Variants in SEC14L4 observed in about 807,000 individuals in gnomAD.
The protein encoded by SEC14L4 is SEC14 like lipid binding 4.
SEC14L4 carries 42 observed loss-of-function variants against 55.1 expected under a neutral mutation model. That is an observed-to-expected ratio of 0.76 (90% CI 0.60 to 0.99). The LOEUF is 0.99. SEC14L4 is among the 50% of genes least tolerant of loss of function. The probability of loss-of-function intolerance (pLI) is 0.00; values close to 1 mark genes in which losing one functional copy is unlikely to be tolerated. For synonymous variants in SEC14L4, 206 were observed against 206.8 expected (o/e 1.00, Z 0.03); for missense variants, 445 against 512.1 (o/e 0.87, Z 1.27).
intron 8 of SEC14L4, 85 bp downstream of exon 8, chr22:30,492,389 G>A (rs371686236): frequency 1.5e-6 from 2 of 1,337,522 alleles, no homozygotes; most frequent in Non-Finnish European, 1.1e-6. Context: ...CCCGAGTAGA[G>A]GACGAGCCAG....
intron 2 of SEC14L4, among the ~76,000 whole-genome samples, chr22:30,499,649 G>C (rs1362285571): frequency 2.0e-5 from 3 of 151,554 alleles, no homozygotes; most frequent in African/African-American, 4.8e-5. Flanking sequence ...TGAGGCACGA[G>C]AATCACTTGA....
chr22:30,491,588 G>A lies in SEC14L4; in HGVS notation c.1066C>T (p.Leu356Phe), dbSNP rs532977655. 2 of 1,614,156 alleles carry A rather than the reference G, an allele frequency of 1.2e-6. No individual in the cohort carries two copies. Among genetic ancestry groups the A allele is most frequent in the East Asian group, 4.5e-5 (2 of 44,880 alleles). Residue 356 changes from leucine to phenylalanine, a missense_variant, in exon 11 of 12, where the codon CTC (leucine) becomes TTC (phenylalanine). By Grantham distance (22) the Leu-to-Phe change is conservative. Coordinates refer to ENST00000255858, the MANE Select transcript of SEC14L4 (RefSeq NM_174977.4). Reference protein sequence around the residue: ...MVPEDGSLTCLQAGVYVLRFD... With the variant: ...MVPEDGSLTCFQAGVYVLRFD... ...CAGCTCTTACAGACGCCAGCCTGGA[G>A]GCAGGTGAGGCTCCCATCCTCAGGC...
intron 8 of SEC14L4, 101 bp from the exon 9 acceptor site, chr22:30,492,256 G>A (rs1049491972): frequency 2.9e-5 from 41 of 1,419,798 alleles, no homozygotes; most frequent in Middle Eastern, 2.4e-4. Flanking sequence ...TCCTGGGCGT[G>A]CTCCCCCGGG....
intron 2 of SEC14L4, among the ~76,000 whole-genome samples, chr22:30,499,463 C>T (rs976474531): frequency 3.3e-5 from 5 of 151,470 alleles, no homozygotes; most frequent in Admixed American, 6.6e-5. Context: ...ATTAGCTGGG[C>T]GCAGTGGCTC....
chr22:30,504,280 C>A (rs1363846834), intron 1 of SEC14L4, among the ~76,000 whole-genome samples: 1 of 151,952 alleles, frequency 6.6e-6, no homozygotes, highest in Non-Finnish European at 1.5e-5. Context: ...GTCTCAAACT[C>A]CTTGGCTCAA....
chr22:30,489,867 C>T lies in SEC14L4; in HGVS notation c.*240G>A. ...GGATCATCTTCAGCGTTCTCATTCT[C>T]AGCCGCATTCTCTGGGAACAGGGAA... is the stretch of plus-strand genomic sequence containing the variant. On this transcript the variant is annotated 3_prime_UTR_variant, in exon 12 of 12. Transcript: ENST00000255858. 1 of 1,551,754 alleles carries T rather than the reference C, an allele frequency of 6.4e-7. No homozygotes were observed.
intron 2 of SEC14L4, among the ~76,000 whole-genome samples, chr22:30,497,056 C>T (rs1395348627): frequency 2.0e-5 from 3 of 152,052 alleles, no homozygotes; most frequent in African/African-American, 4.8e-5. Context: ...AAATCACTCC[C>T]GGCCAGGCGT....
intron 2 of SEC14L4, among the ~76,000 whole-genome samples, chr22:30,496,266 C>A (rs1051355401): frequency 6.6e-6 from 1 of 150,980 alleles, no homozygotes; most frequent in African/African-American, 2.4e-5. Flanking sequence ...GGCCACACCA[C>A]CATGCCTGGC....
chr22:30,500,286 G>A (rs1005336422), intron 2 of SEC14L4, among the ~76,000 whole-genome samples: 9 of 152,000 alleles, frequency 5.9e-5, no homozygotes, highest in Non-Finnish European at 8.8e-5. Context: ...GTCTGATGAC[G>A]TTTTCTATTT....
At position 30,491,738 on chromosome 22, in the gene SEC14L4, G is replaced by T; in HGVS notation, c.916C>A (p.Gln306Lys). The T allele has an allele frequency of 6.2e-7, 1 of 1,614,116 alleles. No individual in the cohort carries two copies. Among genetic ancestry groups the T allele is most frequent in the Non-Finnish European group, 8.5e-7 (1 of 1,179,994 alleles). The change falls in exon 11 of 12, where the codon CAG becomes AAG. Residue 306 changes from glutamine (Q) to lysine (K), a missense_variant. By Grantham distance (53) the Gln-to-Lys change is moderately conservative. Transcript: ENST00000255858. ...ATGTCCCCACCATCTGAAGCAAACT[G>T]CCACCTGCAGTGGATAGAGCCCCAT... is the stretch of plus-strand genomic sequence containing the variant. Reference protein sequence around the residue: ...ILFPGCVLRWQFASDGGDIGF... With the variant: ...ILFPGCVLRWKFASDGGDIGF...
At chr22:30,496,036 T>C in intron 2 of SEC14L4, 65 bp from the exon 3 acceptor site, 1 of 1,434,648 alleles carries the variant, frequency 7.0e-7, no homozygotes, top group Non-Finnish European at 9.7e-7. Flanking sequence ...CCCTAAAAAC[T>C]CATGAGGAAA....
chr22:30,499,280 A>C (rs1002953056), intron 2 of SEC14L4, among the ~76,000 whole-genome samples: 8 of 149,730 alleles, frequency 5.3e-5, no homozygotes, highest in Admixed American at 3.3e-4. Flanking sequence ...ATGGGGTTTC[A>C]CCATGTTGGC....
intron 2 of SEC14L4, among the ~76,000 whole-genome samples, chr22:30,499,003 C>T (rs1015407582): frequency 1.2e-4 from 18 of 151,826 alleles, no homozygotes; most frequent in African/African-American, 3.9e-4. Flanking sequence ...TGCAGTGGCG[C>T]GATCTCGGCT....
At position 30,491,570 on chromosome 22, in the gene SEC14L4, T is replaced by C. The variant is rs1209919564; in HGVS notation, c.1081+3A>G. 16 of 1,613,948 alleles carry C rather than the reference T, an allele frequency of 9.9e-6. No individual in the cohort carries two copies. Among genetic ancestry groups the C allele is most frequent in the Non-Finnish European group, 1.3e-5 (15 of 1,179,990 alleles). On this transcript the variant is annotated splice_donor_region_variant and intron_variant, in intron 11 of 11. Coordinates refer to ENST00000255858, the MANE Select transcript of SEC14L4 (RefSeq NM_174977.4). ...CAATTCCAGTAAACCCCGCAGCTCT[T>C]ACAGACGCCAGCCTGGAGGCAGGTG...
intron 1 of SEC14L4, among the ~76,000 whole-genome samples, chr22:30,504,461 G>A (rs1378469920): frequency 6.6e-6 from 1 of 152,208 alleles, no homozygotes; most frequent in East Asian, 1.9e-4. Context: ...TAGATTTAGA[G>A]GCAAGTTACC....
At chr22:30,503,845 C>T (rs1036183697) in intron 1 of SEC14L4, 93 bp from the exon 2 acceptor site, 61 of 923,630 alleles carry the variant, frequency 6.6e-5, no homozygotes, top group Middle Eastern at 2.3e-4. Context: ...ATCCACCAGT[C>T]AACTCCACCA....
chr22:30,492,370 G>A, intron 8 of SEC14L4, 104 bp downstream of exon 8: 2 of 1,219,836 alleles, frequency 1.6e-6, no homozygotes, highest in South Asian at 2.5e-5. Flanking sequence ...GGTCAGGCCA[G>A]GGGTAGTGCC....
Position 30,489,983 on chromosome 22 carries a change from A to C in SEC14L4, c.*124T>G. On this transcript the variant is annotated 3_prime_UTR_variant, in exon 12 of 12. Transcript: ENST00000255858. ...TGCCAGGTGAGCCTACAATGAGATGAAATGGTGACGTGGGACAAGTGGCTC... is the reference window on the plus strand; with the variant it reads ...TGCCAGGTGAGCCTACAATGAGATGCAATGGTGACGTGGGACAAGTGGCTC... The C allele has an allele frequency of 6.4e-7, 1 of 1,556,108 alleles. No individual in the cohort carries two copies. Among genetic ancestry groups the C allele is most frequent in the Non-Finnish European group, 8.7e-7 (1 of 1,149,092 alleles).
At position 30,492,591 on chromosome 22, in the gene SEC14L4, C is replaced by G. The variant is rs372456460; in HGVS notation, c.581-34G>C. On this transcript the variant is annotated intron_variant, in intron 7 of 11. Transcript: ENST00000255858. The stretch of plus-strand genomic sequence containing the variant: ...CATGTAAATCTCTTGAGAAGCTGGA[C>G]CAGAAAGGACGTGGGGATACAGAGC... The G allele has an allele frequency of 1.9e-6, 3 of 1,550,160 alleles. No homozygotes were observed. The African/African-American group carries it at 4.1e-5, about 21-fold the overall frequency.
Sources: allele counts gnomAD v4.1 joint callset (sites outside exome capture counted in the v4.1 genomes callset), GRCh38; gene constraint gnomAD v4.1.1; transcripts MANE v1.5; gene names NCBI Gene and HGNC (gene_info 2026-07-23, HGNC 2026-07-21).